The following PTPRJ variants were observed in gnomAD, a reference collection of about 807,000 sequenced individuals.
The protein encoded by PTPRJ is receptor-type tyrosine-protein phosphatase eta.
A neutral mutation model predicts 141.3 loss-of-function variants in PTPRJ; 129 were observed. That is an observed-to-expected ratio of 0.91 (90% CI 0.79 to 1.06). The LOEUF (loss-of-function observed/expected upper bound fraction) is 1.06. Among genes scored for constraint, PTPRJ ranks in the 50% least tolerant of loss-of-function variants. The probability of loss-of-function intolerance (pLI) is 0.00; values close to 1 mark genes in which losing one functional copy is unlikely to be tolerated. For synonymous variants in PTPRJ, 610 were observed against 640.5 expected (o/e 0.95, Z 0.72); for missense variants, 1,601 against 1,679.7 (o/e 0.95, Z 0.82).
chr11:48,162,172 AT>A (rs2134387643), intron 22 of PTPRJ, among the ~76,000 whole-genome samples: 1 of 152,178 alleles, frequency 6.6e-6, no homozygotes, highest in South Asian at 2.1e-4. Context: ...GTACCATGTT[AT>A]TTTTTAATTA....
intron 1 of PTPRJ, among the ~76,000 whole-genome samples, chr11:48,037,817 A>G (rs193300796): frequency 2.0e-4 from 31 of 152,206 alleles, no homozygotes; most frequent in Admixed American, 1.9e-3. Flanking sequence ...CTGCCTCAAA[A>G]AAAAAGAAAA....
rs78089591 is a variant in PTPRJ, at chr11:48,157,009, T to A, written c.3438+890T>A. Among the ~76,000 whole-genome samples, 242 of 151,740 alleles carry A rather than the reference T, an allele frequency of 1.6e-3. 5 individuals are homozygous for A. The highest frequency in any genetic ancestry group is 2.9e-4 in the Non-Finnish European group (20 of 67,892). On this transcript the variant is annotated intron_variant, in intron 21 of 24. Coordinates refer to ENST00000418331, the MANE Select transcript of PTPRJ (RefSeq NM_002843.4). ...CATCAAAGATAAGATTTTTTTTTTT[T>A]AGATGGAGTCTCACTCTGTCGCCAG...
rs989823341 is a variant in PTPRJ, at chr11:48,136,252, T to C, written c.1829T>C (p.Val610Ala). Residue 610 changes from valine to alanine, a missense_variant, in exon 9 of 25, where the codon GTG becomes GCG. Val to Ala is a moderately conservative substitution (Grantham distance 64, BLOSUM62 0). Coordinates refer to ENST00000418331, the MANE Select transcript of PTPRJ (RefSeq NM_002843.4). ...TLYNITISPEVDHVWGDPNST... is the reference protein window; with the variant it reads ...TLYNITISPEADHVWGDPNST... ...TATAACATCACCATCTCTCCAGAAG[T>C]GGACCACGTCTGGGGGGACCCCAAC... 1.5e-5 allele frequency: 24 copies of C among 1,614,064 alleles called. No homozygotes were observed. The African/African-American group carries it at 2.7e-4, about 18-fold the overall frequency.
intron 22 of PTPRJ, among the ~76,000 whole-genome samples, chr11:48,161,280 A>G (rs1284035774): frequency 6.6e-6 from 1 of 152,042 alleles, no homozygotes; most frequent in East Asian, 1.9e-4. Context: ...CTAGGAGATG[A>G]AAATGTATGC....
intron 1 of PTPRJ, among the ~76,000 whole-genome samples, chr11:47,997,869 G>A (rs559679886): frequency 3.2e-5 from 2 of 62,908 alleles, no homozygotes; most frequent in East Asian, 3.2e-4. Context: ...GGTGTAAAGC[G>A]AGAGAGAGAA....
At chr11:48,136,007 G>A (rs375335800) in intron 8 of PTPRJ, 32 bp from the exon 9 acceptor site, 17 of 1,601,822 alleles carry the variant, frequency 1.1e-5, no homozygotes, top group Non-Finnish European at 1.3e-5. Context: ...GATAGTAACA[G>A]TTTTCCCTTC....
chr11:48,013,597 C>T (rs1478350633), intron 1 of PTPRJ, among the ~76,000 whole-genome samples: 1 of 152,164 alleles, frequency 6.6e-6, no homozygotes, highest in Non-Finnish European at 1.5e-5. Context: ...GCCTGACTGC[C>T]AGCCTGCTTG....
chr11:48,098,269 A>G (rs1856065154), intron 1 of PTPRJ, among the ~76,000 whole-genome samples: 1 of 152,252 alleles, frequency 6.6e-6, no homozygotes, highest in South Asian at 2.1e-4. Flanking sequence ...GGGGAAGGCC[A>G]CGAGCTAGGC....
intron 1 of PTPRJ, among the ~76,000 whole-genome samples, chr11:47,982,852 C>T (rs1219673031): frequency 6.6e-6 from 1 of 151,996 alleles, no homozygotes; most frequent in Non-Finnish European, 1.5e-5. Flanking sequence ...ATATTTCCTT[C>T]CTCTATGGTT....
intron 22 of PTPRJ, among the ~76,000 whole-genome samples, chr11:48,160,526 G>T (rs1857741651): frequency 6.6e-6 from 1 of 152,160 alleles, no homozygotes; most frequent in Non-Finnish European, 1.5e-5. Context: ...ATTAAATTGT[G>T]CAGGCATTCT....
At chr11:48,080,385 G>A (rs1462583520) in intron 1 of PTPRJ, among the ~76,000 whole-genome samples, 1 of 152,200 alleles carries the variant, frequency 6.6e-6, no homozygotes, top group Non-Finnish European at 1.5e-5. Context: ...TTGCAAGTGT[G>A]AAGAGTGAGG....
At chr11:48,092,322 A>G (rs1231214208) in intron 1 of PTPRJ, among the ~76,000 whole-genome samples, 1 of 148,928 alleles carries the variant, frequency 6.7e-6, no homozygotes, top group Non-Finnish European at 1.5e-5. Flanking sequence ...AAAAAAGAAA[A>G]AGAAAAAAAG....
At chr11:47,988,616 A>G (rs1854111387) in intron 1 of PTPRJ, among the ~76,000 whole-genome samples, 1 of 152,170 alleles carries the variant, frequency 6.6e-6, no homozygotes, top group African/African-American at 2.4e-5. Context: ...GTCACAAATC[A>G]TACTTTGTAA....
rs1857313588 is a variant in PTPRJ, at chr11:48,144,822, T to C, written c.2723T>C (p.Val908Ala). 6.8e-6 allele frequency: 11 copies of C among 1,614,144 alleles called. No individual in the cohort carries two copies. Among genetic ancestry groups the C allele is most frequent in the Non-Finnish European group, 9.3e-6 (11 of 1,180,012 alleles). The change falls in exon 13 of 25, where the codon GTT becomes GCT. Residue 908 changes from valine to alanine, a missense_variant. Coordinates refer to ENST00000418331, the MANE Select transcript of PTPRJ (RefSeq NM_002843.4). Reference sequence around the variant, plus strand: ...GAAGTTTTGAAATATGAAATTGACGTTGGGAATGAGTCAACCACACTTGGT... The same window carrying C: ...GAAGTTTTGAAATATGAAATTGACGCTGGGAATGAGTCAACCACACTTGGT... ...LSEVLKYEID[V>A]GNESTTLGYY...
chr11:48,088,160 G>A (rs1855766373), intron 1 of PTPRJ, among the ~76,000 whole-genome samples: 1 of 152,142 alleles, frequency 6.6e-6, no homozygotes, highest in South Asian at 2.1e-4. Context: ...TACACGCTTG[G>A]TCACTCTTCC....
intron 1 of PTPRJ, among the ~76,000 whole-genome samples, chr11:48,026,096 C>T (rs1187459107): frequency 6.6e-6 from 1 of 152,208 alleles, no homozygotes; most frequent in Non-Finnish European, 1.5e-5. Flanking sequence ...CCTGCATCTC[C>T]ACCACAGCCC....
chr11:48,046,466 C>T (rs910587818), intron 1 of PTPRJ: 5 of 152,148 alleles, frequency 3.3e-5, no homozygotes, highest in African/African-American at 1.2e-4. Flanking sequence ...TCCATTTATT[C>T]ATCAACAGGT....
intron 1 of PTPRJ, among the ~76,000 whole-genome samples, chr11:48,084,246 GGCTTATT>G (rs1855637481): frequency 6.6e-6 from 1 of 152,080 alleles, no homozygotes; most frequent in South Asian, 2.1e-4. Context: ...GCGTGATCTT[GGCTTATT>G]GCAACCTCTG....
intron 22 of PTPRJ, among the ~76,000 whole-genome samples, chr11:48,161,238 G>T (rs1319198670): frequency 6.7e-6 from 1 of 149,102 alleles, no homozygotes; most frequent in Non-Finnish European, 1.5e-5. Context: ...TTACCATGGG[G>T]ACATGGTAGG....
Sources: allele counts gnomAD v4.1 joint callset (sites outside exome capture counted in the v4.1 genomes callset), GRCh38; gene constraint gnomAD v4.1.1; transcripts MANE v1.5; gene names NCBI Gene and HGNC (gene_info 2026-07-23, HGNC 2026-07-21).